Variants in PCDHGB1 observed in about 807,000 individuals in gnomAD.
PCDHGB1 encodes protocadherin gamma subfamily B, 1, also known as protocadherin gamma-B1.
PCDHGB1 carries 34 observed loss-of-function variants against 56.6 expected under a neutral mutation model. The ratio of observed to expected loss-of-function variants is 0.60; its 90% CI spans 0.46 to 0.80. The LOEUF is 0.80. Ranked by LOEUF, PCDHGB1 falls within the 30% of genes least tolerant of loss-of-function variation. PCDHGB1 has a pLI of 0.00. For synonymous variants in PCDHGB1, 561 were observed against 505.9 expected, an observed-to-expected ratio of 1.11 and a Z score of -1.46; for missense variants, 1,278 against 1,204.6, an observed-to-expected ratio of 1.06 and a Z score of -0.90.
chr5:141,458,513 GT>G (rs537551567), intron 1 of PCDHGB1, among the ~76,000 whole-genome samples: 34 of 146,056 alleles, frequency 2.3e-4, no homozygotes, highest in South Asian at 6.5e-4. Flanking sequence ...TTGACACTTT[GT>G]TTTTTTTTTT....
chr5:141,376,682 T>TTTTTTGTTG lies in PCDHGB1; in HGVS notation c.2409+24018_2409+24019insGTTGTTTTT, dbSNP rs1554084782. On this transcript the variant is annotated intron_variant, in intron 1 of 3. Coordinates refer to ENST00000523390, the MANE Select transcript of PCDHGB1 (RefSeq NM_018922.3). ...TTGTTCAGGTGAGGGTATCGTTTTTTTTTTTTTTTTTTTTTGAGACGGAGT... is the reference window on the plus strand; with the variant it reads ...TTGTTCAGGTGAGGGTATCGTTTTTTTTTTTGTTGTTTTTTTTTTTTTTTGAGACGGAGT... The TTTTTTGTTG allele has an allele frequency of 3.8e-6, 3 of 786,082 alleles. No homozygotes were observed. In the African/African-American group the frequency reaches 5.8e-5, roughly 15 times the overall value. 48.7% of individuals were successfully genotyped at this position (786,082 alleles called of 1,614,324 possible). A position where few individuals can be genotyped will look rare whatever the true frequency, so the allele number is the denominator to read the frequency against.
At chr5:141,392,608 AT>A in intron 1 of PCDHGB1, 1 of 519,670 alleles carries the variant, frequency 1.9e-6, no homozygotes, top group Non-Finnish European at 3.3e-6. Context: ...TGGAAGACAA[AT>A]GCAACCGAAA....
At chr5:141,395,410 AT>A (rs1180706569) in intron 1 of PCDHGB1, 2 of 801,646 alleles carry the variant, frequency 2.5e-6, no homozygotes, top group African/African-American at 3.5e-5. Flanking sequence ...GTCATAGGTT[AT>A]TGTTTCATTT....
intron 3 of PCDHGB1, among the ~76,000 whole-genome samples, chr5:141,509,574 G>T (rs554778751): frequency 6.6e-6 from 1 of 152,300 alleles, no homozygotes; most frequent in South Asian, 2.1e-4. Context: ...TTCACAGTGC[G>T]TACAAATCAG....
chr5:141,510,791 A>C (rs1244085822), intron 3 of PCDHGB1, 156 bp from the exon 4 acceptor site: 1 of 929,250 alleles, frequency 1.1e-6, no homozygotes, highest in Non-Finnish European at 1.3e-6. Context: ...AACTCTTGTG[A>C]AGAGAGACTA....
chr5:141,414,193 A>C, intron 1 of PCDHGB1: 1 of 1,610,884 alleles, frequency 6.2e-7, no homozygotes, highest in Admixed American at 1.7e-5. Context: ...AGTGTTGATT[A>C]CAGTAGAAGA....
chr5:141,398,336 C>T lies in PCDHGB1; in HGVS notation c.2409+45667C>T, dbSNP rs2093641789. The T allele has an allele frequency of 7.3e-6, 10 of 1,363,224 alleles. No individual in the cohort carries two copies. In the East Asian group the frequency reaches 1.7e-4, roughly 24 times the overall value. 84.4% of individuals were successfully genotyped at this position (1,363,224 alleles called of 1,614,324 possible). On this transcript the variant is annotated intron_variant, in intron 1 of 3. Coordinates refer to ENST00000523390, the MANE Select transcript of PCDHGB1 (RefSeq NM_018922.3). ...CCGACTCGAAAACTGCGCGTCAGTT[C>T]GGAGAAGCCTTACTTCACCGTGAGC...
intron 1 of PCDHGB1, chr5:141,439,898 C>T (rs1428014089): frequency 6.6e-6 from 1 of 152,344 alleles, no homozygotes; most frequent in African/African-American, 2.4e-5. Context: ...ACCAAGGCGA[C>T]TACTGCCTCC....
chr5:141,494,897 C>T (rs1194879883), intron 2 of PCDHGB1, 32 bp downstream of exon 2: 2 of 1,614,122 alleles, frequency 1.2e-6, no homozygotes, highest in South Asian at 2.2e-5. Flanking sequence ...CCACCCTCTT[C>T]TCTGCGGCAT....
At chr5:141,460,453 A>G (rs1487816393) in intron 1 of PCDHGB1, among the ~76,000 whole-genome samples, 1 of 152,152 alleles carries the variant, frequency 6.6e-6, no homozygotes, top group Non-Finnish European at 1.5e-5. Flanking sequence ...ATGAAGATTC[A>G]TATTTTTTTC....
chr5:141,492,359 C>A (rs1292383129), intron 1 of PCDHGB1, among the ~76,000 whole-genome samples: 3 of 152,336 alleles, frequency 2.0e-5, no homozygotes, highest in African/African-American at 7.2e-5. Flanking sequence ...GCCACTCGCT[C>A]GCGGCCAGAT....
intron 1 of PCDHGB1, chr5:141,383,587 G>A (rs1054174619): frequency 3.1e-6 from 5 of 1,613,564 alleles, no homozygotes; most frequent in African/African-American, 1.3e-5. Context: ...CCACATCCAG[G>A]TGACAGTGGT....
chr5:141,398,905 A>G lies in PCDHGB1; in HGVS notation c.2409+46236A>G, dbSNP rs200564636. ...TCGGGAAAACGTGCCACCAGGCACC[A>G]CTGTGTTGCAAGTGTCAGCCACTGA... On this transcript the variant is annotated intron_variant, in intron 1 of 3. Coordinates refer to ENST00000523390, the MANE Select transcript of PCDHGB1 (RefSeq NM_018922.3). 1.2e-3 allele frequency: 1,935 copies of G among 1,613,984 alleles called. 4 individuals carry two copies. Among genetic ancestry groups the G allele is most frequent in the Middle Eastern group, 3.5e-3 (21 of 6,062 alleles).
Position 141,415,740 on chromosome 5 carries a change from G to GTTTTTTTTTTTTTTT in PCDHGB1, c.2409+63089_2409+63103dup, listed in dbSNP as rs57426385. 67 of 625,038 alleles carry GTTTTTTTTTTTTTTT rather than the reference G, an allele frequency of 1.1e-4. 1 individual carries two copies. Among genetic ancestry groups the GTTTTTTTTTTTTTTT allele is most frequent in the African/African-American group, 2.5e-4 (10 of 39,932 alleles). The allele number at this position is 625,038 out of a possible 1,614,324, so 38.7% of individuals were successfully genotyped here. A position where few individuals can be genotyped will look rare whatever the true frequency, so the allele number is the denominator to read the frequency against. ...TGAGTAGAATTTGATGTTTATTAAG[G>GTTTTTTTTTTTTTTT]TTTTTTTTTTTTTTTTTTTTTTTTT... On this transcript the variant is annotated intron_variant, in intron 1 of 3. Coordinates refer to ENST00000523390, the MANE Select transcript of PCDHGB1 (RefSeq NM_018922.3).
intron 1 of PCDHGB1, chr5:141,375,492 C>G (rs1479166064): frequency 9.9e-6 from 16 of 1,614,008 alleles, no homozygotes; most frequent in Non-Finnish European, 1.4e-5. Context: ...AGGGGTGCCT[C>G]CATCTTCTCT....
intron 1 of PCDHGB1, chr5:141,413,180 C>T: frequency 6.2e-7 from 1 of 1,602,612 alleles, no homozygotes; most frequent in Non-Finnish European, 8.5e-7. Flanking sequence ...ACTACAATGG[C>T]CGCTCAAAGG....
At position 141,491,466 on chromosome 5, in the gene PCDHGB1, T is replaced by C; in HGVS notation, c.2410-3341T>C. The C allele has an allele frequency of 6.2e-7, 1 of 1,614,068 alleles. No homozygotes were observed. The highest frequency in any genetic ancestry group is 8.5e-7 in the Non-Finnish European group (1 of 1,179,986). ...AGGACTCACCCTCCCCGGACTTCTA[T>C]AAGCAGTCCAGCCCCAACCTGCAGG... On this transcript the variant is annotated intron_variant, in intron 1 of 3. Transcript: ENST00000523390. The surrounding 1 kb of genome is among the most constrained non-coding windows in gnomAD (Gnocchi z 6.9).
chr5:141,365,396 A>G lies in PCDHGB1; in HGVS notation c.2409+12727A>G, dbSNP rs554930491. ...GATCCTCACCTCTCTGACCAGTTCG[A>G]TCTCTGAAGACTGTCTTCCCGGAAC... On this transcript the variant is annotated intron_variant, in intron 1 of 3. Coordinates refer to ENST00000523390, the MANE Select transcript of PCDHGB1 (RefSeq NM_018922.3). The G allele has an allele frequency of 3.7e-6, 6 of 1,613,940 alleles. No individual in the cohort carries two copies. The Admixed American group carries it at 1.0e-4, about 27-fold the overall frequency.
intron 2 of PCDHGB1, among the ~76,000 whole-genome samples, chr5:141,497,248 G>A (rs1442942520): frequency 6.6e-6 from 1 of 152,128 alleles, no homozygotes; most frequent in African/African-American, 2.4e-5. Context: ...AGGAGGAGGT[G>A]ACATTGAGAA....
Sources: allele counts gnomAD v4.1 joint callset (sites outside exome capture counted in the v4.1 genomes callset), GRCh38; gene constraint gnomAD v4.1.1; non-coding constraint Gnocchi (gnomAD v3.1); transcripts MANE v1.5; gene names NCBI Gene and HGNC (gene_info 2026-07-23, HGNC 2026-07-21).